Variants in TWSG1 observed in about 807,000 individuals in gnomAD.
TWSG1 encodes the protein twisted gastrulation protein homolog 1.
In TWSG1, 15 loss-of-function variants were observed where a neutral mutation model predicts 23.0. The ratio of observed to expected loss-of-function variants is 0.65; its 90% confidence interval spans 0.44 to 1.00. The LOEUF (loss-of-function observed/expected upper bound fraction) is 1.00. Among genes scored for constraint, TWSG1 ranks in the 50% least tolerant of loss-of-function variants. The pLI is 0.00. For missense variants in TWSG1, 242 were observed against 278.7 expected, an observed-to-expected ratio of 0.87 and a Z score of 0.94; for synonymous variants, 86 against 92.8, an observed-to-expected ratio of 0.93 and a Z score of 0.42.
chr18:9,391,265 T>C (rs1176530740), intron 3 of TWSG1, among the ~76,000 whole-genome samples: 7 of 152,240 alleles, frequency 4.6e-5, no homozygotes, highest in African/African-American at 1.7e-4. Context: ...ATTCTAGTTG[T>C]TTTGCTATTT....
At chr18:9,380,711 G>A (rs187810622) in intron 3 of TWSG1, among the ~76,000 whole-genome samples, 1 of 152,256 alleles carries the variant, frequency 6.6e-6, no homozygotes, top group African/African-American at 2.4e-5. Context: ...GGCTCTTTAT[G>A]AAATTGCCTC....
At chr18:9,357,079 G>A (rs1045236071) in intron 2 of TWSG1, among the ~76,000 whole-genome samples, 8 of 151,654 alleles carry the variant, frequency 5.3e-5, no homozygotes, top group African/African-American at 1.7e-4. Context: ...TATAGCTTTG[G>A]CAACTCTGTT....
intron 2 of TWSG1, among the ~76,000 whole-genome samples, chr18:9,343,250 A>ATCTATC (rs1344276444): frequency 2.6e-5 from 1 of 38,842 alleles, no homozygotes; most frequent in African/African-American, 8.8e-5. Flanking sequence ...ATATATATAT[A>ATCTATC]TATATATATA....
intron 1 of TWSG1, 80 bp from the exon 2 acceptor site, chr18:9,337,113 T>G: frequency 8.1e-7 from 1 of 1,240,278 alleles, no homozygotes; most frequent in Non-Finnish European, 1.1e-6. Context: ...TGAGTCTTAG[T>G]TTATGTTTTG....
intron 3 of TWSG1, among the ~76,000 whole-genome samples, chr18:9,376,580 G>A (rs1015903838): frequency 2.0e-5 from 3 of 152,150 alleles, no homozygotes; most frequent in Non-Finnish European, 4.4e-5. Flanking sequence ...GGTGGCTCAC[G>A]CCTGTAATCT....
chr18:9,360,678 T>C (rs890293063), intron 3 of TWSG1, among the ~76,000 whole-genome samples: 1 of 152,214 alleles, frequency 6.6e-6, no homozygotes, highest in Admixed American at 6.5e-5. Context: ...TTTGCATGTT[T>C]TTTCGACAGA....
Sources: allele counts gnomAD v4.1 joint callset (sites outside exome capture counted in the v4.1 genomes callset), GRCh38; gene constraint gnomAD v4.1.1; transcripts MANE v1.5; gene names NCBI Gene and HGNC (gene_info 2026-07-23, HGNC 2026-07-21).